Variants in NRG1 observed in about 807,000 individuals in gnomAD.
NRG1 encodes pro-neuregulin-1, membrane-bound isoform.
NRG1 carries 18 observed loss-of-function variants against 63.8 expected under a neutral mutation model. The observed-to-expected ratio is 0.28, with a 90% CI of 0.19 to 0.42. The LOEUF (loss-of-function observed/expected upper bound fraction) is 0.42, where lower values mean the gene tolerates loss of function less well. Among genes scored for constraint, NRG1 ranks in the 10% least tolerant of loss-of-function variants. The probability of loss-of-function intolerance (pLI) is 1.00; values close to 1 mark genes in which losing one functional copy is unlikely to be tolerated. For synonymous variants in NRG1, 302 were observed against 301.3 expected, an observed-to-expected ratio of 1.00 and a Z score of -0.02; for missense variants, 762 against 814.7, an observed-to-expected ratio of 0.94 and a Z score of 0.79.
intron 1 of NRG1, among the ~76,000 whole-genome samples, chr8:31,691,942 C>A (rs1204322527): frequency 2.0e-5 from 3 of 152,140 alleles, no homozygotes. Flanking sequence ...AAGGAATCCT[C>A]CTGCCTCAGT....
At chr8:31,684,042 C>G (rs140680484) in intron 1 of NRG1, among the ~76,000 whole-genome samples, 7 of 152,226 alleles carry the variant, frequency 4.6e-5, no homozygotes, top group African/African-American at 1.7e-4. Flanking sequence ...CTGTCTTTAA[C>G]TTTGGCTTAG....
chr8:31,834,932 C>A (rs893893812), intron 1 of NRG1, among the ~76,000 whole-genome samples: 5 of 152,150 alleles, frequency 3.3e-5, no homozygotes, highest in Non-Finnish European at 5.9e-5. Context: ...CAGTGCCTAG[C>A]TTTCCCCTTT....
At chr8:32,463,874 CTTTTTTTTTTTTTTTTTT>C (rs756489856) in intron 1 of NRG1, among the ~76,000 whole-genome samples, 21 of 42,354 alleles carry the variant, frequency 5.0e-4, no homozygotes, top group Admixed American at 1.9e-3. Flanking sequence ...ACTTAGAATT[CTTTTTTTTTTTTTTTTTT>C]TTTTTTTTTT....
At chr8:32,003,208 G>A (rs1218383425) in intron 1 of NRG1, among the ~76,000 whole-genome samples, 2 of 152,020 alleles carry the variant, frequency 1.3e-5, no homozygotes, top group Non-Finnish European at 2.9e-5. Context: ...TGATAAATAT[G>A]TATTGCAAAC....
intron 1 of NRG1, among the ~76,000 whole-genome samples, chr8:32,059,113 A>G (rs1254732448): frequency 6.6e-6 from 1 of 152,100 alleles, no homozygotes; most frequent in Non-Finnish European, 1.5e-5. Context: ...CTGAAAAGAA[A>G]AGATTCCTAG....
At chr8:32,490,787 A>G (rs1326210738) in intron 1 of NRG1, among the ~76,000 whole-genome samples, 1 of 152,092 alleles carries the variant, frequency 6.6e-6, no homozygotes, top group Non-Finnish European at 1.5e-5. Flanking sequence ...TTTCACACCT[A>G]AAAAAGTAGC....
At chr8:32,133,711 T>C (rs1481762) in intron 1 of NRG1, among the ~76,000 whole-genome samples, 92,915 of 151,982 alleles carry the variant, frequency 0.61, 28,921 homozygotes, top group African/African-American at 0.7. Context: ...CATCTCCTGT[T>C]GGTTTGAGAA....
intron 1 of NRG1, among the ~76,000 whole-genome samples, chr8:31,991,897 A>G (rs1171722671): frequency 6.6e-6 from 1 of 152,024 alleles, no homozygotes; most frequent in Non-Finnish European, 1.5e-5. Flanking sequence ...TTATCAAGGG[A>G]AAAATAACAT....
At chr8:32,446,346 A>C (rs1333626020) in intron 1 of NRG1, among the ~76,000 whole-genome samples, 2 of 152,138 alleles carry the variant, frequency 1.3e-5, no homozygotes, top group Admixed American at 1.3e-4. Flanking sequence ...TGGGAGGTAT[A>C]AGAGTTTATA....
At chr8:32,753,995 T>C (rs1351165352) in intron 7 of NRG1, among the ~76,000 whole-genome samples, 1 of 151,570 alleles carries the variant, frequency 6.6e-6, no homozygotes, top group Admixed American at 6.6e-5. Flanking sequence ...TGCAAGAGCT[T>C]TTTATATTTT....
At chr8:32,456,723 A>G (rs1821642091) in intron 1 of NRG1, among the ~76,000 whole-genome samples, 1 of 152,232 alleles carries the variant, frequency 6.6e-6, no homozygotes, top group Non-Finnish European at 1.5e-5. Flanking sequence ...ATTAATAGCT[A>G]AATTCTGGGG....
intron 1 of NRG1, among the ~76,000 whole-genome samples, chr8:31,684,965 A>T (rs1220202048): frequency 6.6e-6 from 1 of 152,222 alleles, no homozygotes; most frequent in African/African-American, 2.4e-5. Context: ...AGGTGCATGG[A>T]GTAATTTCTC....
At chr8:32,662,972 G>C (rs1275166945) in intron 5 of NRG1, among the ~76,000 whole-genome samples, 1 of 152,158 alleles carries the variant, frequency 6.6e-6, no homozygotes, top group Non-Finnish European at 1.5e-5. Flanking sequence ...TGTGACTAGA[G>C]ATCCTTATAA....
At chr8:32,677,886 CT>C (rs1464220157) in intron 5 of NRG1, among the ~76,000 whole-genome samples, 4 of 152,072 alleles carry the variant, frequency 2.6e-5, no homozygotes, top group African/African-American at 7.2e-5. Context: ...AGGACCAAAA[CT>C]TTTTTCTCAC....
intron 1 of NRG1, among the ~76,000 whole-genome samples, chr8:31,990,808 G>C (rs946319019): frequency 1.3e-5 from 2 of 152,036 alleles, no homozygotes; most frequent in African/African-American, 4.8e-5. Flanking sequence ...TTCCAGGATT[G>C]TCCCATCTTC....
intron 1 of NRG1, among the ~76,000 whole-genome samples, chr8:32,358,067 A>T (rs927375426): frequency 6.6e-6 from 1 of 152,168 alleles, no homozygotes; most frequent in Non-Finnish European, 1.5e-5. Flanking sequence ...TGAGATTTCC[A>T]GGAAGGATGC....
intron 1 of NRG1, among the ~76,000 whole-genome samples, chr8:32,236,275 C>T (rs865897184): frequency 6.6e-6 from 1 of 152,014 alleles, no homozygotes; most frequent in African/African-American, 2.4e-5. Flanking sequence ...TGGAATCAAA[C>T]CTGGGGGGGA....
chr8:31,915,179 T>G (rs1833278413), intron 1 of NRG1, among the ~76,000 whole-genome samples: 1 of 152,016 alleles, frequency 6.6e-6, no homozygotes, highest in Non-Finnish European at 1.5e-5. Flanking sequence ...GGACTGGTGA[T>G]TCAAAAACTC....
chr8:32,163,243 T>A (rs1839037919), intron 1 of NRG1, among the ~76,000 whole-genome samples: 1 of 152,128 alleles, frequency 6.6e-6, no homozygotes, highest in Non-Finnish European at 1.5e-5. Context: ...ATACCCTGCA[T>A]ACACCCTTCC....
Sources: gnomAD v4.1 joint callset for allele counts (sites outside exome capture counted in the v4.1 genomes callset) on GRCh38, gnomAD v4.1.1 for gene constraint, MANE v1.5 for transcripts, NCBI Gene and HGNC (gene_info 2026-07-23, HGNC 2026-07-21) for gene names.